Variants in CNTN5 observed in about 807,000 individuals in gnomAD.
The protein encoded by CNTN5 is contactin-5.
CNTN5 carries 77 observed loss-of-function variants against 129.1 expected under a neutral mutation model. That is an observed-to-expected ratio of 0.60 (90% CI 0.50 to 0.72). CNTN5 has a LOEUF of 0.72. CNTN5 is among the 30% of genes least tolerant of loss of function. The pLI, the probability that CNTN5 is intolerant of heterozygous loss-of-function variation, is 0.00. For synonymous variants in CNTN5, 509 were observed against 465.6 expected (o/e 1.09, Z -1.20); for missense variants, 1,478 against 1,328.8 (o/e 1.11, Z -1.75).
intron 17 of CNTN5, among the ~76,000 whole-genome samples, chr11:100,264,576 G>A (rs1472728904): frequency 6.6e-6 from 1 of 152,034 alleles, no homozygotes; most frequent in Non-Finnish European, 1.5e-5. Context: ...CTTTTTTCAT[G>A]ACTACATAAT....
intron 18 of CNTN5, among the ~76,000 whole-genome samples, chr11:100,276,477 C>T (rs1280309553): frequency 7.7e-6 from 1 of 129,774 alleles, no homozygotes; most frequent in Non-Finnish European, 1.5e-5. Flanking sequence ...TTGCACTGAG[C>T]AGACATTGCA....
At position 100,097,829 on chromosome 11, in the gene CNTN5, C is replaced by T. The variant is rs530198712; in HGVS notation, c.1580+23535C>T. On this transcript the variant is annotated intron_variant, in intron 13 of 24. Coordinates refer to ENST00000524871, the MANE Select transcript of CNTN5 (RefSeq NM_014361.4). The stretch of plus-strand genomic sequence containing the variant: ...GCTATTCATTTTTCATGGAATGAGA[C>T]AGAATGCATATTGTATATTGGAGGC... Among the ~76,000 whole-genome samples the T allele has an allele frequency of 2.0e-5, 3 of 152,164 alleles. No individual in the cohort carries two copies. The South Asian group carries it at 6.2e-4, about 32-fold the overall frequency.
At chr11:100,239,482 A>G (rs1416289728) in intron 16 of CNTN5, among the ~76,000 whole-genome samples, 9 of 152,166 alleles carry the variant, frequency 5.9e-5, no homozygotes, top group Non-Finnish European at 8.8e-5. Context: ...GCTAAATCAC[A>G]GTATTCAATA....
intron 3 of CNTN5, among the ~76,000 whole-genome samples, chr11:99,682,536 C>A (rs1050303250): frequency 6.6e-6 from 1 of 151,764 alleles, no homozygotes; most frequent in African/African-American, 2.4e-5. Flanking sequence ...TAAAAGGAGA[C>A]AATACATTGA....
chr11:100,333,999 C>A (rs1345104386), intron 21 of CNTN5, among the ~76,000 whole-genome samples: 1 of 152,190 alleles, frequency 6.6e-6, no homozygotes, highest in African/African-American at 2.4e-5. Context: ...TAACAGACAA[C>A]CCACAGAGTG....
intron 2 of CNTN5, among the ~76,000 whole-genome samples, chr11:99,495,916 T>C (rs1946206819): frequency 6.6e-6 from 1 of 152,168 alleles, no homozygotes; most frequent in South Asian, 2.1e-4. Context: ...ATGTTTAGTT[T>C]ATTGGCTTGG....
intron 6 of CNTN5, among the ~76,000 whole-genome samples, chr11:99,910,943 C>T (rs1949642739): frequency 6.6e-6 from 1 of 152,038 alleles, no homozygotes; most frequent in Non-Finnish European, 1.5e-5. Flanking sequence ...AATATGCAAT[C>T]ACTTTGCAAG....
intron 13 of CNTN5, among the ~76,000 whole-genome samples, chr11:100,148,810 C>G (rs1219414760): frequency 6.6e-6 from 1 of 151,932 alleles, no homozygotes; most frequent in Admixed American, 6.6e-5. Context: ...ATCCTTGTCA[C>G]TTATCTTGCG....
At chr11:99,625,999 T>C (rs946730311) in intron 3 of CNTN5, among the ~76,000 whole-genome samples, 1 of 150,544 alleles carries the variant, frequency 6.6e-6, no homozygotes, top group African/African-American at 2.5e-5. Context: ...TAAAAGGAGA[T>C]CAAAGCAGGG....
At chr11:99,180,935 A>G (rs1693336492) in intron 1 of CNTN5, among the ~76,000 whole-genome samples, 1 of 152,216 alleles carries the variant, frequency 6.6e-6, no homozygotes, top group South Asian at 2.1e-4. Flanking sequence ...ATCTAATGCC[A>G]TTCGATTTTG....
intron 3 of CNTN5, among the ~76,000 whole-genome samples, chr11:99,662,769 G>GC (rs1484662329): frequency 6.6e-6 from 1 of 152,126 alleles, no homozygotes; most frequent in East Asian, 1.9e-4. Flanking sequence ...AACAGCAGCA[G>GC]CATCACCAGG....
chr11:99,562,296 A>T (rs2135553542), intron 3 of CNTN5, among the ~76,000 whole-genome samples: 1 of 152,190 alleles, frequency 6.6e-6, no homozygotes, highest in South Asian at 2.1e-4. Context: ...CCTAAAGTTT[A>T]ATTTTATTTT....
chr11:99,227,359 CAA>C (rs879915550), intron 1 of CNTN5, among the ~76,000 whole-genome samples: 8 of 114,036 alleles, frequency 7.0e-5, no homozygotes, highest in Admixed American at 9.2e-5. Context: ...GAATCTGTCT[CAA>C]AAAAAAAAAA....
At chr11:100,021,567 G>T (rs1280780827) in intron 9 of CNTN5, among the ~76,000 whole-genome samples, 1 of 152,048 alleles carries the variant, frequency 6.6e-6, no homozygotes. Context: ...AAATATTCCT[G>T]TTTATACATG....
At chr11:100,320,302 T>C (rs1468177209) in intron 21 of CNTN5, among the ~76,000 whole-genome samples, 1 of 152,212 alleles carries the variant, frequency 6.6e-6, no homozygotes, top group Admixed American at 6.5e-5. Flanking sequence ...TTAGTGAGAT[T>C]GAGCATTTTT....
chr11:100,147,584 A>G (rs994625369), intron 13 of CNTN5, among the ~76,000 whole-genome samples: 1 of 151,922 alleles, frequency 6.6e-6, no homozygotes. Context: ...ATTTTCTCCA[A>G]TTCAACTCTG....
chr11:100,014,061 T>C (rs1270208436), intron 9 of CNTN5, among the ~76,000 whole-genome samples: 2 of 152,204 alleles, frequency 1.3e-5, no homozygotes, highest in African/African-American at 4.8e-5. Context: ...GGTTTTCATA[T>C]GCAGTTCTTA....
chr11:100,213,472 C>A (rs1035755934), intron 15 of CNTN5, among the ~76,000 whole-genome samples: 30 of 152,216 alleles, frequency 2.0e-4, no homozygotes, highest in Non-Finnish European at 3.5e-4. Context: ...ATCAATCTGA[C>A]TTGACTTTGA....
chr11:100,275,019 A>C (rs547335594), intron 18 of CNTN5, among the ~76,000 whole-genome samples: 7 of 152,166 alleles, frequency 4.6e-5, no homozygotes, highest in African/African-American at 1.4e-4. Flanking sequence ...AAAAATCCAC[A>C]TGATCAAATT....
Sources: allele counts gnomAD v4.1 joint callset (sites outside exome capture counted in the v4.1 genomes callset), GRCh38; gene constraint gnomAD v4.1.1; transcripts MANE v1.5; gene names NCBI Gene and HGNC (gene_info 2026-07-23, HGNC 2026-07-21).